DAB1: variants seen among roughly 807,000 people sequenced by gnomAD.
The protein encoded by DAB1 is DAB adaptor protein 1.
In DAB1, 15 loss-of-function variants were observed where a neutral mutation model predicts 64.6. That is an observed-to-expected ratio of 0.23 (90% CI 0.16 to 0.36). The LOEUF (loss-of-function observed/expected upper bound fraction) is 0.36. Among genes scored for constraint, DAB1 ranks in the 10% least tolerant of loss-of-function variants. The pLI, the probability that DAB1 is intolerant of heterozygous loss-of-function variation, is 1.00. For synonymous variants in DAB1, 235 were observed against 251.9 expected, an observed-to-expected ratio of 0.93 and a Z score of 0.64; for missense variants, 596 against 706.7, an observed-to-expected ratio of 0.84 and a Z score of 1.78.
chr1:58,519,152 AT>A (rs1290515384), intron 2 of DAB1, among the ~76,000 whole-genome samples: 2 of 152,218 alleles, frequency 1.3e-5, no homozygotes, highest in Non-Finnish European at 2.9e-5. Context: ...ATAACAGAGA[AT>A]TTTTAAAAGT....
At chr1:58,391,213 G>GC (rs1433021776) in intron 3 of DAB1, among the ~76,000 whole-genome samples, 1 of 152,246 alleles carries the variant, frequency 6.6e-6, no homozygotes, top group Non-Finnish European at 1.5e-5. Flanking sequence ...AAAGAGAGCT[G>GC]CCGGCCAGCA....
At chr1:57,310,575 G>T (rs866179219) in intron 1 of DAB1, among the ~76,000 whole-genome samples, 3 of 152,166 alleles carry the variant, frequency 2.0e-5, no homozygotes, top group Non-Finnish European at 4.4e-5. Flanking sequence ...GGTTTTCCGG[G>T]CTGGCTTCTC....
intron 1 of DAB1, among the ~76,000 whole-genome samples, chr1:58,531,131 T>A (rs182253750): frequency 1.2e-3 from 187 of 152,278 alleles, no homozygotes; most frequent in African/African-American, 4.4e-3. Flanking sequence ...ACCCGGTCAG[T>A]TTTAGTTTTT....
At chr1:57,414,591 GC>G (rs1199553543) in intron 1 of DAB1, among the ~76,000 whole-genome samples, 3 of 152,122 alleles carry the variant, frequency 2.0e-5, no homozygotes, top group African/African-American at 7.2e-5. Context: ...AATGGAACCA[GC>G]CGTATCTCCC....
At chr1:57,237,214 A>G (rs893037891) in intron 2 of DAB1, among the ~76,000 whole-genome samples, 2 of 152,198 alleles carry the variant, frequency 1.3e-5, no homozygotes, top group African/African-American at 2.4e-5. Flanking sequence ...AATAAGCCCA[A>G]TGTGCCCAGC....
chr1:57,138,112 C>T (rs1251697336), intron 3 of DAB1, among the ~76,000 whole-genome samples: 1 of 152,082 alleles, frequency 6.6e-6, no homozygotes, highest in Non-Finnish European at 1.5e-5. Flanking sequence ...ACATGAATGT[C>T]CATTACAGTT....
intron 4 of DAB1, among the ~76,000 whole-genome samples, chr1:58,234,222 C>T (rs1373422137): frequency 6.6e-6 from 1 of 152,170 alleles, no homozygotes; most frequent in Non-Finnish European, 1.5e-5. Context: ...ATCCTGAATT[C>T]ATTCATTCTT....
intron 5 of DAB1, among the ~76,000 whole-genome samples, chr1:57,928,096 T>C (rs979205251): frequency 2.6e-5 from 4 of 152,162 alleles, no homozygotes; most frequent in African/African-American, 4.8e-5. Flanking sequence ...TTATATACAA[T>C]GAAATGCACA....
At chr1:57,501,344 G>A (rs1644287295) in intron 7 of DAB1, among the ~76,000 whole-genome samples, 1 of 152,156 alleles carries the variant, frequency 6.6e-6, no homozygotes, top group African/African-American at 2.4e-5. Context: ...AGGTGAATGC[G>A]GCCATCTTGG....
At chr1:57,718,448 C>G (rs1363303595) in intron 6 of DAB1, among the ~76,000 whole-genome samples, 4 of 152,100 alleles carry the variant, frequency 2.6e-5, no homozygotes, top group Non-Finnish European at 5.9e-5. Flanking sequence ...CACTTTCATT[C>G]CATTTTGTTT....
intron 7 of DAB1, among the ~76,000 whole-genome samples, chr1:57,482,569 T>C (rs1644037325): frequency 6.7e-6 from 1 of 148,226 alleles, no homozygotes; most frequent in Non-Finnish European, 1.5e-5. Context: ...GCATATTAAA[T>C]ACAAACATTA....
intron 6 of DAB1, among the ~76,000 whole-genome samples, chr1:57,812,334 A>AG (rs1651666237): frequency 6.6e-6 from 1 of 150,382 alleles, no homozygotes; most frequent in African/African-American, 2.5e-5. Flanking sequence ...AAAAAAAAAA[A>AG]AAAAGAAAGA....
At chr1:58,108,315 G>A (rs936477846) in intron 5 of DAB1, among the ~76,000 whole-genome samples, 1 of 152,150 alleles carries the variant, frequency 6.6e-6, no homozygotes, top group African/African-American at 2.4e-5. Flanking sequence ...GGGATAGACA[G>A]AATTGAGAGA....
intron 2 of DAB1, among the ~76,000 whole-genome samples, chr1:58,516,031 GA>G (rs1305952932): frequency 6.6e-6 from 1 of 152,130 alleles, no homozygotes; most frequent in Non-Finnish European, 1.5e-5. Flanking sequence ...GTTACTTGAG[GA>G]AACTAGCAGG....
Position 57,964,939 on chromosome 1 carries a change from T to C in DAB1, n.388-80777A>G, listed in dbSNP as rs189604771. On this transcript the variant is annotated intron_variant and non_coding_transcript_variant, in intron 5 of 20. Transcript: ENST00000485760. ...TATTTGCTGGGGGAATATTGAGAAA[T>C]AGACAGTTCCTGGCAACTGCAGGAA... is the stretch of plus-strand genomic sequence containing the variant. Among the ~76,000 whole-genome samples, 428 of 150,208 alleles carry C rather than the reference T, an allele frequency of 2.8e-3. 4 individuals carry two copies. The highest frequency in any genetic ancestry group is 9.6e-3 in the African/African-American group (397 of 41,190).
intron 2 of DAB1, among the ~76,000 whole-genome samples, chr1:57,209,000 A>T (rs1665807028): frequency 1.3e-5 from 2 of 152,234 alleles, no homozygotes; most frequent in Admixed American, 1.3e-4. Flanking sequence ...CACACAAGGC[A>T]TACAGTTCAA....
At chr1:57,125,542 T>A (rs1657060694) in intron 4 of DAB1, among the ~76,000 whole-genome samples, 1 of 152,016 alleles carries the variant, frequency 6.6e-6, no homozygotes, top group African/African-American at 2.4e-5. Context: ...TATATCTACA[T>A]GTACATGAAA....
chr1:58,064,017 G>T (rs1648678158), intron 5 of DAB1, among the ~76,000 whole-genome samples: 1 of 152,150 alleles, frequency 6.6e-6, no homozygotes, highest in Non-Finnish European at 1.5e-5. Context: ...GGCATGAATA[G>T]ACTTACAATA....
chr1:57,460,280 G>A (rs971078276), intron 7 of DAB1, among the ~76,000 whole-genome samples: 1 of 152,166 alleles, frequency 6.6e-6, no homozygotes, highest in Non-Finnish European at 1.5e-5. Flanking sequence ...CATGTGCATG[G>A]AAATATAATA....
Sources: allele counts gnomAD v4.1 joint callset (sites outside exome capture counted in the v4.1 genomes callset), GRCh38; gene constraint gnomAD v4.1.1; transcripts MANE v1.5; gene names NCBI Gene and HGNC (gene_info 2026-07-23, HGNC 2026-07-21).